Variants in HTR2C observed in about 807,000 individuals in gnomAD.
HTR2C encodes the protein 5-hydroxytryptamine receptor 2C, also known as 5-hydroxytryptamine (serotonin) receptor 2C, G protein-coupled.
In HTR2C, 5 loss-of-function variants were observed where a neutral mutation model predicts 21.0. The ratio of observed to expected loss-of-function variants is 0.24; its 90% CI spans 0.12 to 0.50. The LOEUF is 0.50. Among genes scored for constraint, HTR2C ranks in the 20% least tolerant of loss-of-function variants. HTR2C has a pLI of 0.98. For missense variants in HTR2C, 271 were observed against 371.2 expected, an observed-to-expected ratio of 0.73 and a Z score of 2.22; for synonymous variants, 150 against 145.3, an observed-to-expected ratio of 1.03 and a Z score of -0.23.
chrX:114,709,729 TC>T (rs1393471228), intron 2 of HTR2C, among the ~76,000 whole-genome samples: 1 of 111,448 alleles, frequency 9.0e-6, no homozygotes, highest in East Asian at 2.8e-4. Flanking sequence ...GTTCTCTTCT[TC>T]CTTCCTTCCT....
chrX:114,652,221 G>T (rs1290453995), intron 2 of HTR2C, among the ~76,000 whole-genome samples: 1 of 111,572 alleles, frequency 9.0e-6, no homozygotes, highest in African/African-American at 3.2e-5. Context: ...ATTTTGTTTG[G>T]TTGGAAAGCT....
At chrX:114,604,190 T>C (rs782355269) in intron 1 of HTR2C, among the ~76,000 whole-genome samples, 1 of 108,890 alleles carries the variant, frequency 9.2e-6, no homozygotes, top group South Asian at 4.1e-4. Flanking sequence ...AGGCTTTGGA[T>C]TGGGAAGAAG....
At chrX:114,806,812 T>C (rs1310136854) in intron 4 of HTR2C, among the ~76,000 whole-genome samples, 1 of 100,671 alleles carries the variant, frequency 9.9e-6, no homozygotes. Context: ...ATACACCATA[T>C]ATATACTGTA....
chrX:114,859,577 TTCTC>T (rs1226473163), intron 5 of HTR2C, among the ~76,000 whole-genome samples: 1 of 111,244 alleles, frequency 9.0e-6, no homozygotes, highest in Non-Finnish European at 1.9e-5. Flanking sequence ...TATCTCTGTT[TTCTC>T]TCTTTTTGTG....
chrX:114,659,328 G>T (rs1300602716), intron 2 of HTR2C, among the ~76,000 whole-genome samples: 2 of 110,867 alleles, frequency 1.8e-5, no homozygotes, highest in Non-Finnish European at 3.8e-5. Flanking sequence ...CATCATAGAA[G>T]AATAATCAGC....
intron 2 of HTR2C, among the ~76,000 whole-genome samples, chrX:114,617,434 T>C (rs1196920518): frequency 6.3e-5 from 7 of 111,832 alleles, no homozygotes; most frequent in Non-Finnish European, 1.3e-4. Context: ...AGCAAGATCC[T>C]GTCTCAAAAA....
At chrX:114,886,662 C>T (rs979713477) in intron 5 of HTR2C, among the ~76,000 whole-genome samples, 17 of 110,573 alleles carry the variant, frequency 1.5e-4, no homozygotes, top group Non-Finnish European at 3.2e-4. Context: ...TCATATATTA[C>T]ATATGATACA....
chrX:114,594,017 G>A (rs1556391844), intron 1 of HTR2C, among the ~76,000 whole-genome samples: 2 of 111,774 alleles, frequency 1.8e-5, no homozygotes. Context: ...AGATTTCTGA[G>A]TGATTGAAGA....
rs1927288610 is a variant in HTR2C at position 114,584,247 on chromosome X, C to CA, written c.-558dup. 1 of 113,059 alleles carries CA rather than the reference C, an allele frequency of 8.8e-6. No homozygotes were observed. Among genetic ancestry groups the CA allele is most frequent in the South Asian group, 3.6e-4 (1 of 2,755 alleles). The allele number at this position is 113,059 out of a possible 1,213,427, so 9.3% of individuals were successfully genotyped here. The stretch of plus-strand genomic sequence containing the variant: ...CATATGAACTCTTCTTCTGTCTGTA[C>CA]ATCGTTGTCGTCGGAGTCGTCGCGA... On this transcript the variant is annotated 5_prime_UTR_variant, in exon 1 of 6. It introduces an in-frame stop codon into an upstream open reading frame of the 5' UTR. Transcript: ENST00000276198.
intron 5 of HTR2C, among the ~76,000 whole-genome samples, chrX:114,890,217 C>A (rs1313154568): frequency 9.0e-6 from 1 of 111,608 alleles, no homozygotes; most frequent in Non-Finnish European, 1.9e-5. Context: ...ACTAAATGTT[C>A]ATCTCTACTT....
chrX:114,775,824 C>T (rs1372954567), intron 4 of HTR2C: 1 of 392,847 alleles, frequency 2.5e-6, no homozygotes, highest in Non-Finnish European at 4.6e-6. Context: ...TCTCGAATGG[C>T]TTTTTATACA....
intron 5 of HTR2C, among the ~76,000 whole-genome samples, chrX:114,888,986 A>T (rs1348581474): frequency 8.9e-6 from 1 of 111,902 alleles, no homozygotes; most frequent in African/African-American, 3.3e-5. Context: ...GTTTCTACTG[A>T]TTACTTCTTT....
intron 4 of HTR2C, among the ~76,000 whole-genome samples, chrX:114,840,492 CAT>C (rs1237597122): frequency 1.8e-5 from 2 of 110,599 alleles, no homozygotes; most frequent in African/African-American, 6.6e-5. Context: ...GAGCGAAACA[CAT>C]TGAGAAAAAA....
chrX:114,644,344 A>T (rs1231560009), intron 2 of HTR2C, among the ~76,000 whole-genome samples: 1 of 36,177 alleles, frequency 2.8e-5, no homozygotes, highest in Non-Finnish European at 4.8e-5. Flanking sequence ...GACTCCATCT[A>T]AAATAAATAA....
rs192244320 is a variant in HTR2C, at chrX:114,606,071, C to T, written c.-146-7744C>T. ...GGGGCACAGAGATAAGAGGTTGGGGCACAGAAATAAGGGATTGGGGTGCAG... is the reference window on the plus strand; with the variant it reads ...GGGGCACAGAGATAAGAGGTTGGGGTACAGAAATAAGGGATTGGGGTGCAG... On this transcript the variant is annotated intron_variant, in intron 1 of 5. Coordinates refer to ENST00000276198, the MANE Select transcript of HTR2C (RefSeq NM_000868.4). 2.1e-4 allele frequency among the ~76,000 whole-genome samples: 22 copies of T among 105,722 alleles called. No homozygotes were observed. In the East Asian group the frequency reaches 4.6e-3, roughly 22 times the overall value. The allele number at this position is 105,722 out of a possible 115,157, so 91.8% of individuals were successfully genotyped here. A position where few individuals can be genotyped will look rare whatever the true frequency, so the allele number is the denominator to read the frequency against.
At chrX:114,800,450 A>T (rs1228807227) in intron 4 of HTR2C, among the ~76,000 whole-genome samples, 1 of 111,357 alleles carries the variant, frequency 9.0e-6, no homozygotes, top group Non-Finnish European at 1.9e-5. Flanking sequence ...TTCTCAAATC[A>T]TCATCCTATC....
chrX:114,906,939 C>A lies in HTR2C; in HGVS notation c.901C>A (p.Gln301Lys). 8.3e-7 allele frequency: 1 copy of A among 1,210,702 alleles called. No homozygotes were observed. Reference sequence around the variant, plus strand: ...GGAGAGACGTCCTAGGGGCACCATGCAGGCTATCAACAATGAAAGAAAAGC... The same window carrying A: ...GGAGAGACGTCCTAGGGGCACCATGAAGGCTATCAACAATGAAAGAAAAGC... ...KKERRPRGTM[Q>K]AINNERKASK... The change falls in exon 6 of 6, where the codon CAG (glutamine) becomes AAG (lysine). Residue 301 changes from glutamine to lysine, a missense_variant. Transcript: ENST00000276198.
At chrX:114,694,199 T>A (rs1412815156) in intron 2 of HTR2C, among the ~76,000 whole-genome samples, 2 of 111,062 alleles carry the variant, frequency 1.8e-5, no homozygotes, top group Non-Finnish European at 3.8e-5. Flanking sequence ...CTGTTTATTT[T>A]CCTTCACTCT....
chrX:114,893,866 A>G (rs888236448), intron 5 of HTR2C, among the ~76,000 whole-genome samples: 2 of 112,236 alleles, frequency 1.8e-5, no homozygotes, highest in African/African-American at 6.5e-5. Flanking sequence ...TCAACTGAAA[A>G]TGGGAAAAAT....
Sources: allele counts gnomAD v4.1 joint callset (sites outside exome capture counted in the v4.1 genomes callset), GRCh38; gene constraint gnomAD v4.1.1; transcripts MANE v1.5; gene names NCBI Gene and HGNC (gene_info 2026-07-23, HGNC 2026-07-21).